Variants in CCDC158 observed in about 807,000 individuals in gnomAD.
CCDC158 encodes the protein coiled-coil domain containing 158.
In CCDC158, 116 loss-of-function variants were observed where a neutral mutation model predicts 138.6. The ratio of observed to expected loss-of-function variants is 0.84; its 90% CI spans 0.72 to 0.98. The LOEUF is 0.98. Among genes scored for constraint, CCDC158 ranks in the 50% least tolerant of loss-of-function variants. CCDC158 has a pLI of 0.00. For missense variants in CCDC158, 1,265 were observed against 1,306.1 expected (o/e 0.97, Z 0.48); for synonymous variants, 436 against 442.4 (o/e 0.99, Z 0.18).
chr4:76,396,135 T>G, intron 4 of CCDC158, 134 bp downstream of exon 4: 1 of 521,332 alleles, frequency 1.9e-6, no homozygotes, highest in East Asian at 3.2e-5. Context: ...CAGGTCAAAT[T>G]AACAAATTTA....
intron 17 of CCDC158, among the ~76,000 whole-genome samples, chr4:76,351,351 C>T (rs1029434973): frequency 6.6e-6 from 1 of 152,072 alleles, no homozygotes; most frequent in Non-Finnish European, 1.5e-5. Flanking sequence ...TTGCTATTCC[C>T]CAAACAAGCA....
intron 18 of CCDC158, among the ~76,000 whole-genome samples, chr4:76,344,098 G>C (rs908796947): frequency 6.6e-6 from 1 of 152,132 alleles, no homozygotes; most frequent in African/African-American, 2.4e-5. Context: ...TGTATATTTA[G>C]AAAACCCTAT....
rs533276993 is a variant in CCDC158 at position 76,374,416 on chromosome 4, A to G, written c.1030-2880T>C. On this transcript the variant is annotated intron_variant, in intron 9 of 24. Transcript: ENST00000682701. ...TGTTTGCCTGGCAAGGAATGGGTACATGAACATGATCCGAGGGGCAATATG... is the reference window on the plus strand; with the variant it reads ...TGTTTGCCTGGCAAGGAATGGGTACGTGAACATGATCCGAGGGGCAATATG... Among the ~76,000 whole-genome samples the G allele has an allele frequency of 6.6e-5, 10 of 152,370 alleles. No individual in the cohort carries two copies. In the South Asian group the frequency reaches 1.9e-3, roughly 28 times the overall value.
intron 15 of CCDC158, 99 bp downstream of exon 15, chr4:76,355,225 T>C (rs1723426773): frequency 1.3e-6 from 1 of 778,516 alleles, no homozygotes; most frequent in African/African-American, 1.7e-5. Flanking sequence ...AAGCTTTCCT[T>C]TTCCCCTTGC....
At chr4:76,333,683 T>C (rs1406964562) in intron 19 of CCDC158, among the ~76,000 whole-genome samples, 1 of 152,172 alleles carries the variant, frequency 6.6e-6, no homozygotes, top group Non-Finnish European at 1.5e-5. Context: ...ATTTACAAAA[T>C]GGGATAAATA....
intron 19 of CCDC158, 73 bp from the exon 20 acceptor site, chr4:76,332,564 A>C: frequency 8.5e-7 from 1 of 1,174,296 alleles, no homozygotes; most frequent in Non-Finnish European, 1.2e-6. Context: ...AGACTAATCA[A>C]TTGCTTACAT....
intron 13 of CCDC158, among the ~76,000 whole-genome samples, chr4:76,360,653 T>C (rs1724041834): frequency 6.6e-6 from 1 of 152,254 alleles, no homozygotes; most frequent in African/African-American, 2.4e-5. Context: ...GCATGGGCCC[T>C]GTAGCCTCTT....
Position 76,349,529 on chromosome 4 carries a change from C to T in CCDC158, c.2664+1467G>A, listed in dbSNP as rs577202078. 7.2e-5 allele frequency among the ~76,000 whole-genome samples: 11 copies of T among 152,074 alleles called. No homozygotes were observed. The South Asian group carries it at 1.0e-3, about 14-fold the overall frequency. ...ATAAAAAATACAAAAATTAGCCAGG[C>T]GTGGTGGCACGCACCTTTAGTCCCA... is the stretch of plus-strand genomic sequence containing the variant. On this transcript the variant is annotated intron_variant, in intron 18 of 24. Transcript: ENST00000682701.
chr4:76,420,740 T>C (rs550469666), intron 1 of CCDC158, among the ~76,000 whole-genome samples: 30 of 152,290 alleles, frequency 2.0e-4, no homozygotes, highest in East Asian at 1.7e-3. Flanking sequence ...CCCTGTGTTC[T>C]TCAAGGTCCA....
At chr4:76,385,279 T>C (rs1220946922) in intron 4 of CCDC158, among the ~76,000 whole-genome samples, 4 of 151,696 alleles carry the variant, frequency 2.6e-5, no homozygotes, top group Admixed American at 2.6e-4. Flanking sequence ...CAAAAACCAC[T>C]GAACACTTGA....
intron 23 of CCDC158, among the ~76,000 whole-genome samples, chr4:76,324,620 C>A (rs1560783723): frequency 6.6e-6 from 1 of 152,086 alleles, no homozygotes; most frequent in Non-Finnish European, 1.5e-5. Flanking sequence ...AGCAGCATTG[C>A]TCTATTCCTG....
intron 21 of CCDC158, 124 bp downstream of exon 21, chr4:76,331,220 T>A: frequency 1.2e-6 from 1 of 804,174 alleles, no homozygotes; most frequent in East Asian, 2.5e-5. Flanking sequence ...ATATCTGTCT[T>A]GCTCACTATA....
Position 76,323,291 on chromosome 4 carries a change from G to A in CCDC158, c.3277+11C>T, listed in dbSNP as rs749039685. 130 of 1,586,708 alleles carry A rather than the reference G, an allele frequency of 8.2e-5. No individual in the cohort carries two copies. The highest frequency in any genetic ancestry group is 1.2e-4 in the African/African-American group (9 of 74,142). ...GAGCGAGGAAGATCTCTCCAAAAACGTACACTGTACCTTGGTTCTTCAGCT... is the reference window on the plus strand; with the variant it reads ...GAGCGAGGAAGATCTCTCCAAAAACATACACTGTACCTTGGTTCTTCAGCT... On this transcript the variant is annotated intron_variant, in intron 24 of 24. Coordinates refer to ENST00000682701, the MANE Select transcript of CCDC158 (RefSeq NM_001394954.1).
intron 1 of CCDC158, among the ~76,000 whole-genome samples, chr4:76,412,700 G>A (rs1455199345): frequency 1.3e-5 from 2 of 152,172 alleles, no homozygotes; most frequent in Non-Finnish European, 2.9e-5. Flanking sequence ...GCAGTGAGCC[G>A]AGATTGTGCC....
At chr4:76,317,664 A>G (rs1719532264) in intron 24 of CCDC158, among the ~76,000 whole-genome samples, 1 of 152,240 alleles carries the variant, frequency 6.6e-6, no homozygotes, top group Admixed American at 6.5e-5. Flanking sequence ...CAGACTTAAC[A>G]GATATTTACA....
At chr4:76,379,960 G>A (rs1476881793) in intron 8 of CCDC158, among the ~76,000 whole-genome samples, 2 of 152,082 alleles carry the variant, frequency 1.3e-5, no homozygotes. Context: ...CCCCTTTCCT[G>A]CTCCGCCATG....
Position 76,384,555 on chromosome 4 carries a change from C to T in CCDC158, c.398+1G>A. The T allele has an allele frequency of 6.2e-7, 1 of 1,605,518 alleles. No homozygotes were observed. Among genetic ancestry groups the T allele is most frequent in the Non-Finnish European group, 8.5e-7 (1 of 1,176,090 alleles). On this transcript the variant is annotated splice_donor_variant, in intron 5 of 24. Transcript: ENST00000682701. LOFTEE classifies it high-confidence loss of function. ...TTTAAAATAATTTCACAAATCCCAA[C>T]CTGATGTCAGCCATAGCATCTCTCT...
intron 9 of CCDC158, among the ~76,000 whole-genome samples, chr4:76,378,144 T>G (rs1725885652): frequency 6.6e-6 from 1 of 152,184 alleles, no homozygotes; most frequent in African/African-American, 2.4e-5. Context: ...TGATAAATGT[T>G]GAGGTATCTT....
intron 18 of CCDC158, among the ~76,000 whole-genome samples, chr4:76,345,768 A>G (rs1233379711): frequency 1.3e-5 from 2 of 152,250 alleles, no homozygotes; most frequent in Non-Finnish European, 2.9e-5. Context: ...AAAATATTTG[A>G]TGCTCATGGA....
Sources: gnomAD v4.1 joint callset for allele counts (sites outside exome capture counted in the v4.1 genomes callset) on GRCh38, gnomAD v4.1.1 for gene constraint, MANE v1.5 for transcripts, NCBI Gene and HGNC (gene_info 2026-07-23, HGNC 2026-07-21) for gene names.